The following ASIP variants were observed in gnomAD, a reference collection of about 807,000 sequenced individuals.
ASIP encodes the protein agouti-signaling protein.
Under a neutral mutation model 10.3 loss-of-function variants are expected in ASIP, and 11 were observed. The ratio of observed to expected loss-of-function variants is 1.07; its 90% confidence interval spans 0.68 to 1.78. The LOEUF is 1.78. Ranked by LOEUF, ASIP falls within the 40% of genes most tolerant of loss-of-function variation. The pLI, the probability that ASIP is intolerant of heterozygous loss-of-function variation, is 0.00. For missense variants in ASIP, 180 were observed against 169.2 expected (o/e 1.06, Z -0.35); for synonymous variants, 70 against 70.8 (o/e 0.99, Z 0.06).
chr20:34,242,394 G>A (rs2035297668), intron 1 of ASIP, among the ~76,000 whole-genome samples: 1 of 151,900 alleles, frequency 6.6e-6, no homozygotes, highest in Admixed American at 6.6e-5. Context: ...CACCACGCCT[G>A]GCTAATTTTT....
upstream of ASIP, among the ~76,000 whole-genome samples, chr20:34,192,709 G>A (rs1046797401): frequency 1.3e-5 from 2 of 152,084 alleles, no homozygotes; most frequent in Non-Finnish European, 2.9e-5. Context: ...CTAAAGTGGT[G>A]CTTACCTCAT....
chr20:34,213,440 T>C, intron 1 of ASIP: 2 of 977,232 alleles, frequency 2.0e-6, no homozygotes, highest in South Asian at 3.4e-5. Context: ...GGCTTTGGAA[T>C]TGAGTCATAG....
chr20:34,187,385 T>C, the ASIP span, among the ~76,000 whole-genome samples: 1 of 152,200 alleles, frequency 6.6e-6, no homozygotes, highest in African/African-American at 2.4e-5. Flanking sequence ...TGTCTTTTCC[T>C]TTGGCCTCTA....
At chr20:34,263,617 G>A (rs990419135) in intron 3 of ASIP, among the ~76,000 whole-genome samples, 2 of 128,120 alleles carry the variant, frequency 1.6e-5, no homozygotes, top group Non-Finnish European at 3.0e-5. Flanking sequence ...TTGAACACAT[G>A]TGTTTGAACT....
At chr20:34,232,776 G>T (rs544425079) in intron 1 of ASIP, among the ~76,000 whole-genome samples, 2 of 152,330 alleles carry the variant, frequency 1.3e-5, no homozygotes, top group Admixed American at 1.3e-4. Context: ...GGCACAGAAG[G>T]CATAGTGTCA....
At chr20:34,247,266 A>AT (rs1235064427) in intron 1 of ASIP, among the ~76,000 whole-genome samples, 2 of 142,442 alleles carry the variant, frequency 1.4e-5, no homozygotes, top group East Asian at 4.2e-4. Context: ...TTTCCATCTT[A>AT]TTACGAAAGC....
At chr20:34,223,819 C>T (rs2035073247) in intron 1 of ASIP, among the ~76,000 whole-genome samples, 3 of 122,240 alleles carry the variant, frequency 2.5e-5, no homozygotes, top group Non-Finnish European at 5.1e-5. Flanking sequence ...GGATGGTTGC[C>T]GTGTCTGTGT....
At chr20:34,236,680 C>CA (rs2035215592), upstream of ASIP, among the ~76,000 whole-genome samples, 1 of 152,122 alleles carries the variant, frequency 6.6e-6, no homozygotes, top group Admixed American at 6.5e-5. Context: ...GCGAGACCCC[C>CA]ATCTTAAAAA....
chr20:34,253,612 T>C (rs2035519982), intron 1 of ASIP, among the ~76,000 whole-genome samples: 1 of 151,884 alleles, frequency 6.6e-6, no homozygotes, highest in Non-Finnish European at 1.5e-5. Flanking sequence ...GCTGGGATTA[T>C]AGGCATGCAC....
chr20:34,210,070 G>C (rs1244478078), intron 1 of ASIP, among the ~76,000 whole-genome samples: 1 of 152,204 alleles, frequency 6.6e-6, no homozygotes, highest in Non-Finnish European at 1.5e-5. Flanking sequence ...GAGCTATTTT[G>C]TCACTCAGTA....
chr20:34,245,400 A>G (rs1156959147), intron 1 of ASIP, among the ~76,000 whole-genome samples: 1 of 148,440 alleles, frequency 6.7e-6, no homozygotes, highest in South Asian at 2.2e-4. Context: ...ATTTTATTTT[A>G]TTTTTTTAGA....
chr20:34,242,770 C>G (rs2035304008), intron 1 of ASIP, among the ~76,000 whole-genome samples: 1 of 152,248 alleles, frequency 6.6e-6, no homozygotes, highest in Non-Finnish European at 1.5e-5. Flanking sequence ...ATCAAAGCCT[C>G]TTCCCTCCTT....
upstream of ASIP, among the ~76,000 whole-genome samples, chr20:34,237,564 C>T (rs577021193): frequency 6.6e-6 from 1 of 152,256 alleles, no homozygotes; most frequent in South Asian, 2.1e-4. Context: ...AATCTTTAGG[C>T]TTTTCTACAT....
At position 34,235,824 on chromosome 20, in the gene ASIP, A is replaced by G. The variant is rs1432456287; in HGVS notation, c.-10-24541A>G. Among the ~76,000 whole-genome samples the G allele has an allele frequency of 1.2e-3, 77 of 65,714 alleles. 2 individuals carry two copies. The highest frequency in any genetic ancestry group is 7.2e-3 in the African/African-American group (45 of 6,212). 43.1% of individuals were successfully genotyped at this position (65,714 alleles called of 152,430 possible). On this transcript the variant is annotated intron_variant, in intron 1 of 3. Transcript: ENST00000568305. ...AAGAAAGAAAGAAAGAAAGAAAGAA[A>G]GAAAGAAAGAAAGAAAGAAGGAAGG...
chr20:34,222,279 T>TA (rs1224329319), intron 1 of ASIP, among the ~76,000 whole-genome samples: 66 of 144,432 alleles, frequency 4.6e-4, no homozygotes, highest in Middle Eastern at 6.9e-3. Context: ...GAAGGATAAT[T>TA]AAAAAAAAAA....
At chr20:34,262,964 A>C in intron 3 of ASIP, 71 bp downstream of exon 3, 2 of 1,552,078 alleles carry the variant, frequency 1.3e-6, no homozygotes, top group Non-Finnish European at 1.8e-6. Flanking sequence ...AGGACCCCCA[A>C]CCTCTGGCTA....
intron 1 of ASIP, among the ~76,000 whole-genome samples, chr20:34,226,430 G>T (rs1009118942): frequency 5.3e-5 from 8 of 152,028 alleles, no homozygotes; most frequent in African/African-American, 1.9e-4. Context: ...TTGGCTCACT[G>T]CAACTTCTGC....
chr20:34,258,726 T>C (rs2035628012), intron 1 of ASIP, among the ~76,000 whole-genome samples: 1 of 73,984 alleles, frequency 1.4e-5, no homozygotes, highest in African/African-American at 4.6e-5. Flanking sequence ...TATTATAAAA[T>C]ATATATAGTA....
intron 1 of ASIP, among the ~76,000 whole-genome samples, chr20:34,210,966 A>G (rs2034970857): frequency 6.6e-6 from 1 of 152,122 alleles, no homozygotes; most frequent in African/African-American, 2.4e-5. Context: ...ATTTTGGTTA[A>G]GATTTTTACA....
Sources: gnomAD v4.1 joint callset for allele counts (sites outside exome capture counted in the v4.1 genomes callset) on GRCh38, gnomAD v4.1.1 for gene constraint, MANE v1.5 for transcripts, NCBI Gene and HGNC (gene_info 2026-07-23, HGNC 2026-07-21) for gene names.